Variants in GNAL observed in about 807,000 individuals in gnomAD.
The protein encoded by GNAL is G protein subunit alpha L, also known as guanine nucleotide-binding protein G(olf) subunit alpha.
In GNAL, 18 loss-of-function variants were observed where a neutral mutation model predicts 55.1. The observed-to-expected ratio is 0.33, with a 90% CI of 0.23 to 0.48. The LOEUF (loss-of-function observed/expected upper bound fraction) is 0.48, where lower values mean the gene tolerates loss of function less well. GNAL is among the 20% of genes least tolerant of loss of function. The probability of loss-of-function intolerance (pLI) is 0.99; values close to 1 mark genes in which losing one functional copy is unlikely to be tolerated. For synonymous variants in GNAL, 253 were observed against 237.0 expected (o/e 1.07, Z -0.62); for missense variants, 412 against 614.1 (o/e 0.67, Z 3.48).
intron 10 of GNAL, 115 bp from the exon 11 acceptor site, chr18:11,876,506 T>C: frequency 1.4e-6 from 1 of 728,278 alleles, no homozygotes; most frequent in South Asian, 1.5e-5. Context: ...GCTGTACATG[T>C]ATTTTAATGC....
chr18:11,759,834 C>G (rs1394258235), intron 4 of GNAL, among the ~76,000 whole-genome samples: 1 of 152,176 alleles, frequency 6.6e-6, no homozygotes, highest in South Asian at 2.1e-4. Flanking sequence ...ATCTGTGTTC[C>G]CTCTCCAAGC....
intron 5 of GNAL, chr18:11,852,246 G>T: frequency 8.6e-6 from 9 of 1,050,628 alleles, no homozygotes; most frequent in Non-Finnish European, 1.2e-5. Flanking sequence ...TGGGTTTACA[G>T]CCCCCTCCAC....
At chr18:11,766,934 G>A (rs1598439389) in intron 4 of GNAL, among the ~76,000 whole-genome samples, 1 of 152,100 alleles carries the variant, frequency 6.6e-6, no homozygotes. Context: ...GTAGTTCTTC[G>A]GGACATTTCT....
At chr18:11,700,717 C>T (rs1024570320) in intron 1 of GNAL, among the ~76,000 whole-genome samples, 6 of 152,214 alleles carry the variant, frequency 3.9e-5, no homozygotes, top group African/African-American at 1.2e-4. Flanking sequence ...TTCTCTAATC[C>T]TAGCAGAAGA....
At chr18:11,785,784 G>A (rs545875134) in intron 4 of GNAL, among the ~76,000 whole-genome samples, 50 of 152,242 alleles carry the variant, frequency 3.3e-4, no homozygotes, top group African/African-American at 1.2e-3. Flanking sequence ...GAACGTCAGC[G>A]ATGGCCTCGG....
In GNAL at chr18:11,689,604, G is replaced by C; in HGVS notation, c.41G>C (p.Gly14Ala). ...CYSLRPLLFGGPGDDPCAASE... is the reference protein window; with the variant it reads ...CYSLRPLLFGAPGDDPCAASE... ...AGTCTGCGGCCGCTGCTTTTCGGGG[G>C]CCCAGGGGACGACCCCTGCGCGGCC... Residue 14 changes from glycine to alanine, a missense_variant, in exon 1 of 12, where the codon GGC (glycine) becomes GCC (alanine). Physicochemically the swap from Gly to Ala is moderately conservative, Grantham distance 60. This residue lies in a region of GNAL where 228 missense variants were observed against 194.8 expected (regional missense o/e 1.17). Coordinates refer to ENST00000334049, the MANE Select transcript of GNAL (RefSeq NM_182978.4). 1 of 1,339,854 alleles carries C rather than the reference G, an allele frequency of 7.5e-7. No homozygotes were observed. Among genetic ancestry groups the C allele is most frequent in the Non-Finnish European group, 9.5e-7 (1 of 1,056,024 alleles). 83.0% of individuals were successfully genotyped at this position (1,339,854 alleles called of 1,614,324 possible). A position where few individuals can be genotyped will look rare whatever the true frequency, so the allele number is the denominator to read the frequency against.
intron 1 of GNAL, among the ~76,000 whole-genome samples, chr18:11,701,434 T>C (rs1305338539): frequency 6.6e-6 from 1 of 151,348 alleles, no homozygotes. Flanking sequence ...CTACTAAAAA[T>C]ACAAAAATTA....
intron 1 of GNAL, among the ~76,000 whole-genome samples, chr18:11,725,041 G>T (rs1567999358): frequency 6.6e-6 from 1 of 152,190 alleles, no homozygotes; most frequent in African/African-American, 2.4e-5. Context: ...GCCTGGACCT[G>T]TTGCAGAGCC....
Position 11,752,779 on chromosome 18 carries a change from C to G in GNAL, c.377-74C>G, listed in dbSNP as rs2032899986. Reference sequence around the variant, plus strand: ...CCCGTGCTGGGGGAGGAGGATTGCTCAGACCCGGCTAGTGGTGAGAGATGG... The same window carrying G: ...CCCGTGCTGGGGGAGGAGGATTGCTGAGACCCGGCTAGTGGTGAGAGATGG... On this transcript the variant is annotated intron_variant, in intron 1 of 11. Transcript: ENST00000334049. The surrounding 1 kb of genome is among the most constrained non-coding windows in gnomAD (Gnocchi z 4.5). The G allele has an allele frequency of 1.6e-6, 2 of 1,221,794 alleles. No individual in the cohort carries two copies. The highest frequency in any genetic ancestry group is 2.4e-6 in the Non-Finnish European group (2 of 824,912). 75.7% of individuals were successfully genotyped at this position (1,221,794 alleles called of 1,614,324 possible).
chr18:11,851,571 G>C, intron 5 of GNAL: 5 of 1,612,442 alleles, frequency 3.1e-6, no homozygotes, highest in Non-Finnish European at 4.2e-6. Flanking sequence ...AACTGAGTAG[G>C]AGTGCCAAAA....
intron 11 of GNAL, among the ~76,000 whole-genome samples, chr18:11,879,916 G>A (rs1008854451): frequency 1.3e-5 from 2 of 152,244 alleles, no homozygotes; most frequent in African/African-American, 2.4e-5. Flanking sequence ...CCGCCACCGG[G>A]CCGCTGCACC....
chr18:11,738,724 C>T (rs1322713962), intron 1 of GNAL, among the ~76,000 whole-genome samples: 2 of 152,182 alleles, frequency 1.3e-5, no homozygotes, highest in South Asian at 2.1e-4. Context: ...GCTGGGATTA[C>T]AAGCATGAGC....
intron 4 of GNAL, among the ~76,000 whole-genome samples, chr18:11,758,184 A>C (rs8084370): frequency 0.2 from 29,957 of 152,036 alleles, 4,640 homozygotes; most frequent in African/African-American, 0.43. Flanking sequence ...GACCAGACCA[A>C]CTCCCCACTT....
At chr18:11,762,188 C>G (rs993237592) in intron 4 of GNAL, among the ~76,000 whole-genome samples, 3 of 152,098 alleles carry the variant, frequency 2.0e-5, no homozygotes, top group Non-Finnish European at 2.9e-5. Flanking sequence ...CAGTAGTTGG[C>G]GAAGATGGAA....
intron 4 of GNAL, among the ~76,000 whole-genome samples, chr18:11,791,615 C>A (rs565307996): frequency 1.0e-3 from 152 of 152,228 alleles, no homozygotes; most frequent in African/African-American, 3.4e-3. Flanking sequence ...TAAACACACA[C>A]AAAAAATTAA....
At chr18:11,859,749 CTT>C (rs560753290) in intron 5 of GNAL, among the ~76,000 whole-genome samples, 5 of 144,862 alleles carry the variant, frequency 3.5e-5, no homozygotes, top group Non-Finnish European at 3.1e-5. Flanking sequence ...AGTTGACATT[CTT>C]TTTTTTTTTT....
rs554872654 is a variant in GNAL at position 11,823,438 on chromosome 18, C to T, written c.625-1480C>T. Among the ~76,000 whole-genome samples the T allele has an allele frequency of 5.3e-5, 8 of 152,262 alleles. No homozygotes were observed. In the South Asian group the frequency reaches 1.5e-3, roughly 28 times the overall value. On this transcript the variant is annotated intron_variant, in intron 4 of 11. Coordinates refer to ENST00000334049, the MANE Select transcript of GNAL (RefSeq NM_182978.4). ...ATAACTTACAAGATTGTCTCTGATA[C>T]TGTGAAATCAGAATTGGATTTTCTA...
intron 10 of GNAL, among the ~76,000 whole-genome samples, chr18:11,873,692 C>T (rs910996816): frequency 1.6e-4 from 25 of 152,216 alleles, no homozygotes; most frequent in Non-Finnish European, 3.2e-4. Flanking sequence ...GGACTGAGGC[C>T]GGGTGCCGCT....
intron 1 of GNAL, among the ~76,000 whole-genome samples, chr18:11,739,846 C>CTT (rs113354400): frequency 3.5e-5 from 5 of 142,268 alleles, no homozygotes; most frequent in Non-Finnish European, 6.2e-5. Context: ...TGTGTGGTTA[C>CTT]TTTTTTTTTT....
Sources: allele counts gnomAD v4.1 joint callset (sites outside exome capture counted in the v4.1 genomes callset), GRCh38; gene constraint gnomAD v4.1.1; regional missense constraint gnomAD v4.1.1; non-coding constraint Gnocchi (gnomAD v3.1); transcripts MANE v1.5; gene names NCBI Gene and HGNC (gene_info 2026-07-23, HGNC 2026-07-21).